The following SAMD12 variants were observed in gnomAD, a reference collection of about 807,000 sequenced individuals.
SAMD12 encodes the protein sterile alpha motif domain containing 12.
SAMD12 carries 9 observed loss-of-function variants against 15.0 expected under a neutral mutation model. The observed-to-expected ratio is 0.60, with a 90% CI of 0.36 to 1.05. SAMD12 has a LOEUF of 1.05. SAMD12 is among the 50% of genes least tolerant of loss of function. The pLI, the probability that SAMD12 is intolerant of heterozygous loss-of-function variation, is 0.01. For missense variants in SAMD12, 230 were observed against 234.2 expected, an observed-to-expected ratio of 0.98 and a Z score of 0.12; for synonymous variants, 86 against 90.1, an observed-to-expected ratio of 0.96 and a Z score of 0.25.
chr8:118,594,895 T>C (rs1230630713), intron 1 of SAMD12, among the ~76,000 whole-genome samples: 5 of 152,230 alleles, frequency 3.3e-5, no homozygotes, highest in South Asian at 2.1e-4. Context: ...TTCCAACATA[T>C]ACCTGTATTC....
intron 2 of SAMD12, among the ~76,000 whole-genome samples, chr8:118,489,313 C>A (rs926739231): frequency 6.6e-6 from 1 of 152,082 alleles, no homozygotes; most frequent in Non-Finnish European, 1.5e-5. Flanking sequence ...TCTGCCATGT[C>A]TTGATGATCA....
intron 4 of SAMD12, among the ~76,000 whole-genome samples, chr8:118,216,202 T>C (rs1811956541): frequency 1.3e-5 from 2 of 150,972 alleles, no homozygotes; most frequent in South Asian, 4.2e-4. Flanking sequence ...GATTTGCATT[T>C]CTCTGATGGC....
intron 2 of SAMD12, among the ~76,000 whole-genome samples, chr8:118,537,618 C>T (rs1825881714): frequency 6.6e-6 from 1 of 152,102 alleles, no homozygotes; most frequent in Non-Finnish European, 1.5e-5. Context: ...AAAATTTCTG[C>T]TTGATTTTTT....
At chr8:118,584,714 C>T (rs984453930) in intron 1 of SAMD12, among the ~76,000 whole-genome samples, 4 of 152,092 alleles carry the variant, frequency 2.6e-5, no homozygotes, top group African/African-American at 9.7e-5. Context: ...ACTGCAAATG[C>T]ACATATTTTA....
At chr8:118,302,530 C>A (rs1376108455) in intron 4 of SAMD12, among the ~76,000 whole-genome samples, 1 of 152,100 alleles carries the variant, frequency 6.6e-6, no homozygotes, top group Non-Finnish European at 1.5e-5. Flanking sequence ...AAATCCAGGC[C>A]ATAATCCATG....
intron 4 of SAMD12, among the ~76,000 whole-genome samples, chr8:118,258,427 T>C (rs939275230): frequency 3.3e-5 from 5 of 151,430 alleles, no homozygotes; most frequent in Non-Finnish European, 7.4e-5. Context: ...ATTTCTGTCA[T>C]TCATTCATAT....
chr8:118,444,299 T>C (rs1822841208), intron 2 of SAMD12, among the ~76,000 whole-genome samples: 1 of 150,330 alleles, frequency 6.7e-6, no homozygotes, highest in African/African-American at 2.5e-5. Context: ...CTGGAGACAA[T>C]TTTGGTTTAT....
chr8:118,356,819 C>G (rs1818250845), intron 4 of SAMD12, among the ~76,000 whole-genome samples: 1 of 152,180 alleles, frequency 6.6e-6, no homozygotes, highest in South Asian at 2.1e-4. Flanking sequence ...GCACAGGTGC[C>G]TCCACATTTG....
chr8:118,227,218 A>G (rs1469568758), intron 4 of SAMD12, among the ~76,000 whole-genome samples: 1 of 152,176 alleles, frequency 6.6e-6, no homozygotes, highest in East Asian at 1.9e-4. Flanking sequence ...TTTTGTGAGA[A>G]CATAGATGGA....
chr8:118,215,782 A>G (rs1811945273), intron 4 of SAMD12, among the ~76,000 whole-genome samples: 1 of 152,182 alleles, frequency 6.6e-6, no homozygotes, highest in Non-Finnish European at 1.5e-5. Context: ...TGTCCCTACA[A>G]AGGACATGAA....
chr8:118,492,057 A>G (rs1395713807), intron 2 of SAMD12, among the ~76,000 whole-genome samples: 1 of 149,612 alleles, frequency 6.7e-6, no homozygotes, highest in East Asian at 1.9e-4. Flanking sequence ...TGGTTGTATC[A>G]TTTTACATTC....
chr8:118,353,700 A>G (rs947674154), intron 4 of SAMD12, among the ~76,000 whole-genome samples: 57 of 152,146 alleles, frequency 3.7e-4, no homozygotes, highest in African/African-American at 1.3e-3. Flanking sequence ...AGTGCTGTTT[A>G]TTTCCATTTC....
chr8:118,255,913 C>T (rs1257221500), intron 4 of SAMD12, among the ~76,000 whole-genome samples: 1 of 152,008 alleles, frequency 6.6e-6, no homozygotes, highest in East Asian at 1.9e-4. Context: ...AGTTCTAGAT[C>T]CCTGAGGAAT....
the SAMD12 span, among the ~76,000 whole-genome samples, chr8:118,165,195 A>G: frequency 6.6e-6 from 1 of 152,116 alleles, no homozygotes; most frequent in Non-Finnish European, 1.5e-5. Context: ...CAGGCTATAA[A>G]TTGAAGGTTC....
chr8:118,241,994 CT>C (rs1471257555), intron 4 of SAMD12, among the ~76,000 whole-genome samples: 5 of 152,150 alleles, frequency 3.3e-5, no homozygotes, highest in Non-Finnish European at 5.9e-5. Flanking sequence ...TCACCGAAGC[CT>C]TGACCTCCCT....
chr8:118,462,851 C>T (rs1823466549), intron 2 of SAMD12, among the ~76,000 whole-genome samples: 1 of 151,978 alleles, frequency 6.6e-6, no homozygotes. Flanking sequence ...GCCTGTAATC[C>T]CAGCACTTTG....
chr8:118,374,851 T>C (rs148516188), downstream of SAMD12, among the ~76,000 whole-genome samples: 229 of 152,242 alleles, frequency 1.5e-3, no homozygotes, highest in Non-Finnish European at 2.9e-3. Context: ...TGTTGAGTTA[T>C]AGACGTTTCT....
chr8:118,621,424 AT>A (rs1479424816), intron 1 of SAMD12: 1 of 292,076 alleles, frequency 3.4e-6, no homozygotes, highest in Non-Finnish European at 6.5e-6. Context: ...CCAACCAAGC[AT>A]CCCCAGCCCC....
chr8:118,416,525 T>C (rs10505334), intron 3 of SAMD12, among the ~76,000 whole-genome samples: 47,168 of 152,056 alleles, frequency 0.31, 7,835 homozygotes, highest in Middle Eastern at 0.4. Flanking sequence ...GAAATAACAC[T>C]TTGCTAGTTG....
Sources: allele counts gnomAD v4.1 joint callset (sites outside exome capture counted in the v4.1 genomes callset), GRCh38; gene constraint gnomAD v4.1.1; transcripts MANE v1.5; gene names NCBI Gene and HGNC (gene_info 2026-07-23, HGNC 2026-07-21).